PCAT7: variants seen among roughly 807,000 people sequenced by gnomAD.
PCAT7 encodes the protein prostate cancer associated transcript 7.
Position 94,563,530 on chromosome 9 carries a change from A to C in PCAT7, n.441+4378A>C, listed in dbSNP as rs1412865082. The C allele has an allele frequency of 7.7e-6, 12 of 1,567,534 alleles. No individual in the cohort carries two copies. The African/African-American group carries it at 1.6e-4, about 21-fold the overall frequency. ...GATTAGCCAGCACCTGCTCGTGGTCACAAGTCCAGTTGGTGTGACCTCTGC... is the reference window on the plus strand; with the variant it reads ...GATTAGCCAGCACCTGCTCGTGGTCCCAAGTCCAGTTGGTGTGACCTCTGC... On this transcript the variant is annotated intron_variant and non_coding_transcript_variant, in intron 2 of 8. Coordinates refer to ENST00000647389, the Ensembl canonical transcript of PCAT7.
chr9:94,571,555 G>A, intron 2 of PCAT7: 1 of 1,613,992 alleles, frequency 6.2e-7, no homozygotes. Context: ...CCACAATATT[G>A]CGGCCACACT....
chr9:94,558,705 A>G, intron 1 of PCAT7: 1 of 491,980 alleles, frequency 2.0e-6, no homozygotes, highest in Non-Finnish European at 3.7e-6. Context: ...GACAGAAGAC[A>G]AGCCAAAGTC....
chr9:94,563,247 A>G (rs1178738308), intron 2 of PCAT7: 24 of 1,390,838 alleles, frequency 1.7e-5, no homozygotes. Context: ...CAGACATGCC[A>G]TGAAGCAGTG....
At chr9:94,567,151 G>T in intron 2 of PCAT7, 6 of 978,732 alleles carry the variant, frequency 6.1e-6, no homozygotes, top group South Asian at 5.9e-5. Flanking sequence ...TCTTCATACT[G>T]ACCACAGCCA....
intron 2 of PCAT7, among the ~76,000 whole-genome samples, chr9:94,561,028 G>A (rs547888586): frequency 6.6e-6 from 1 of 152,214 alleles, no homozygotes; most frequent in Admixed American, 6.5e-5. Context: ...ATTACCCACA[G>A]GAGGGACACT....
At chr9:94,565,244 G>A (rs1447589730) in intron 2 of PCAT7, among the ~76,000 whole-genome samples, 2 of 151,648 alleles carry the variant, frequency 1.3e-5, no homozygotes, top group South Asian at 2.1e-4. Context: ...GCATGGTGGC[G>A]GGAGGCTGTA....
chr9:94,560,973 T>C (rs1046097217), intron 2 of PCAT7, among the ~76,000 whole-genome samples: 4 of 151,962 alleles, frequency 2.6e-5, no homozygotes, highest in South Asian at 2.1e-4. Flanking sequence ...TGTAAAAAAG[T>C]TGTGGTGCAT....
At chr9:94,567,503 T>TGCTGGCAGAGCTGGGGCTTG in intron 2 of PCAT7, 1 of 1,458,790 alleles carries the variant, frequency 6.9e-7, no homozygotes. Context: ...GATGGGGGCC[T>TGCTGGCAGAGCTGGGGCTTG]GCTGGCAGAG....
intron 1 of PCAT7, among the ~76,000 whole-genome samples, chr9:94,557,531 A>G (rs1827028932): frequency 6.6e-6 from 1 of 152,192 alleles, no homozygotes; most frequent in African/African-American, 2.4e-5. Flanking sequence ...AGACTGAGGA[A>G]CGATGTTGCG....
At chr9:94,566,761 A>G (rs645125) in intron 2 of PCAT7, among the ~76,000 whole-genome samples, 73,594 of 152,090 alleles carry the variant, frequency 0.48, 18,443 homozygotes, top group East Asian at 0.61. Flanking sequence ...ATCTCAGTTC[A>G]TTACAGATGG....
chr9:94,567,195 CCTGAAGCCA>C, intron 2 of PCAT7: 1 of 1,522,976 alleles, frequency 6.6e-7, no homozygotes, highest in Non-Finnish European at 9.1e-7. Flanking sequence ...CAGCAAAGCC[CCTGAAGCCA>C]CCACCCAAAC....
At chr9:94,565,781 TAGATAGATGATA>T (rs1396262731) in intron 2 of PCAT7, among the ~76,000 whole-genome samples, 13 of 140,496 alleles carry the variant, frequency 9.3e-5, no homozygotes, top group East Asian at 4.5e-4. Flanking sequence ...GATAGATAGA[TAGATAGATGATA>T]GATAGGTGAG....
chr9:94,563,286 G>A, intron 2 of PCAT7: 1 of 1,590,400 alleles, frequency 6.3e-7, no homozygotes, highest in African/African-American at 1.3e-5. Context: ...TGTGACGGGA[G>A]GGAGCTCCCC....
intron 1 of PCAT7, chr9:94,558,625 C>T (rs1251459236): frequency 1.5e-5 from 5 of 342,690 alleles, no homozygotes; most frequent in Non-Finnish European, 2.8e-5. Flanking sequence ...GTACTCTTTG[C>T]CCACAAGCAT....
chr9:94,558,918 G>T, intron 1 of PCAT7: 2 of 1,611,594 alleles, frequency 1.2e-6, no homozygotes, highest in South Asian at 1.1e-5. Flanking sequence ...AACAGAAGAG[G>T]GCATGTGGGG....
At chr9:94,567,187 G>C in intron 2 of PCAT7, 16 of 1,442,478 alleles carry the variant, frequency 1.1e-5, no homozygotes, top group Non-Finnish European at 1.5e-5. Flanking sequence ...ACCTCTTTCA[G>C]CAAAGCCCCT....
At position 94,567,465 on chromosome 9, in the gene PCAT7, G is replaced by T. The variant is rs750644253; in HGVS notation, n.442-5514G>T. 4 of 1,596,210 alleles carry T rather than the reference G, an allele frequency of 2.5e-6. No homozygotes were observed. In the African/African-American group the frequency reaches 4.0e-5, roughly 16 times the overall value. On this transcript the variant is annotated intron_variant and non_coding_transcript_variant, in intron 2 of 8. Coordinates refer to ENST00000647389, the Ensembl canonical transcript of PCAT7. ...AGAGAAGCCAGGAAACAAGCCAACC[G>T]CACAATCCCCACATCAGAGCAGGAG...
intron 2 of PCAT7, among the ~76,000 whole-genome samples, chr9:94,565,464 T>C (rs1319159226): frequency 6.6e-6 from 1 of 152,172 alleles, no homozygotes; most frequent in African/African-American, 2.4e-5. Context: ...TTTTTTGTTG[T>C]CTTTATGTGA....
At chr9:94,563,470 CAGAA>C in intron 2 of PCAT7, 3 of 1,611,828 alleles carry the variant, frequency 1.9e-6, no homozygotes, top group Non-Finnish European at 2.5e-6. Flanking sequence ...TCCTAGAAGA[CAGAA>C]AGCGAAGAGA....
Sources: gnomAD v4.1 joint callset for allele counts (sites outside exome capture counted in the v4.1 genomes callset) on GRCh38, gnomAD v4.1.1 for gene constraint, MANE v1.5 for transcripts, NCBI Gene and HGNC (gene_info 2026-07-23, HGNC 2026-07-21) for gene names.